Variants in NTRK2 observed in about 807,000 individuals in gnomAD.
NTRK2 encodes neurotrophic receptor tyrosine kinase 2.
In NTRK2, 13 loss-of-function variants were observed where a neutral mutation model predicts 94.5. The observed-to-expected ratio is 0.14, with a 90% confidence interval of 0.09 to 0.22. The LOEUF is 0.22. Ranked by LOEUF, NTRK2 falls within the 10% of genes least tolerant of loss-of-function variation. NTRK2 has a pLI of 1.00. For synonymous variants in NTRK2, 372 were observed against 407.4 expected (o/e 0.91, Z 1.05); for missense variants, 639 against 1,071.2 (o/e 0.60, Z 5.63).
intron 17 of NTRK2, among the ~76,000 whole-genome samples, chr9:84,966,171 G>A (rs1258238364): frequency 1.3e-5 from 2 of 152,116 alleles, no homozygotes; most frequent in African/African-American, 2.4e-5. Context: ...AAGAGAAAAC[G>A]TCTGAAATTC....
intron 12 of NTRK2, among the ~76,000 whole-genome samples, chr9:84,803,971 A>G (rs1055158086): frequency 5.3e-5 from 8 of 152,156 alleles, no homozygotes; most frequent in Non-Finnish European, 8.8e-5. Flanking sequence ...TGGGACTTGC[A>G]GCAATAGGCA....
At chr9:84,693,807 A>G (rs1163612313) in intron 2 of NTRK2, among the ~76,000 whole-genome samples, 6 of 152,196 alleles carry the variant, frequency 3.9e-5, no homozygotes, top group African/African-American at 1.2e-4. Context: ...CTAGTGCAGT[A>G]TGTTTAGTCC....
intron 14 of NTRK2, among the ~76,000 whole-genome samples, chr9:84,887,483 G>T (rs2076453273): frequency 1.3e-5 from 2 of 152,186 alleles, no homozygotes; most frequent in African/African-American, 4.8e-5. Flanking sequence ...TGCTCTCAAA[G>T]AAATTTTTAA....
At position 84,670,613 on chromosome 9, in the gene NTRK2, TG is replaced by T; in HGVS notation, c.-134del. On this transcript the variant is annotated 5_prime_UTR_variant, in exon 2 of 19. Coordinates refer to ENST00000277120, the MANE Select transcript of NTRK2 (RefSeq NM_006180.6). Reference sequence around the variant, plus strand: ...CGGACCAGCTCAGCCTCTGATAAGCTGGACTCGGCACGCCCGCAACAAGCAC... The same window carrying T: ...CGGACCAGCTCAGCCTCTGATAAGCTGACTCGGCACGCCCGCAACAAGCAC... The T allele has an allele frequency of 1.2e-6, 1 of 864,826 alleles. No homozygotes were observed. Among genetic ancestry groups the T allele is most frequent in the Non-Finnish European group, 1.9e-6 (1 of 526,618 alleles). 53.6% of individuals were successfully genotyped at this position (864,826 alleles called of 1,614,324 possible).
chr9:84,893,465 A>G (rs1468497098), intron 14 of NTRK2, among the ~76,000 whole-genome samples: 1 of 152,162 alleles, frequency 6.6e-6, no homozygotes, highest in Non-Finnish European at 1.5e-5. Flanking sequence ...ATTTTGGAGC[A>G]CTTGACCCCA....
chr9:84,940,639 G>C (rs1225566677), intron 15 of NTRK2, among the ~76,000 whole-genome samples: 1 of 151,888 alleles, frequency 6.6e-6, no homozygotes, highest in Non-Finnish European at 1.5e-5. Context: ...CCACCTCTGG[G>C]AACAGAAGCA....
Position 84,979,925 on chromosome 9 carries a change from G to T in NTRK2, c.2172+24408G>T, listed in dbSNP as rs147356548. ...AGCAATAAAGTGTTTTAAAATTAAGGTATCTACATTGTTTTTATTTAGCTA... is the reference window on the plus strand; with the variant it reads ...AGCAATAAAGTGTTTTAAAATTAAGTTATCTACATTGTTTTTATTTAGCTA... On this transcript the variant is annotated intron_variant, in intron 17 of 18. Coordinates refer to ENST00000277120, the MANE Select transcript of NTRK2 (RefSeq NM_006180.6). Among the ~76,000 whole-genome samples the T allele has an allele frequency of 3.9e-3, 587 of 152,256 alleles. 5 individuals are homozygous for T. The highest frequency in any genetic ancestry group is 0.013 in the African/African-American group (561 of 41,560).
At chr9:84,737,795 C>T (rs1298604874) in intron 9 of NTRK2, among the ~76,000 whole-genome samples, 2 of 148,578 alleles carry the variant, frequency 1.3e-5, no homozygotes, top group African/African-American at 5.3e-5. Context: ...CCCCCCCATC[C>T]GTCTCTCTCC....
intron 12 of NTRK2, chr9:84,813,353 C>G (rs200926817): frequency 1.5e-5 from 15 of 1,032,296 alleles, no homozygotes; most frequent in Middle Eastern, 4.3e-4. Context: ...TGAAATGTCC[C>G]GATTGTTAAA....
At chr9:84,977,814 T>A (rs1203366001) in intron 17 of NTRK2, among the ~76,000 whole-genome samples, 1 of 152,252 alleles carries the variant, frequency 6.6e-6, no homozygotes, top group Non-Finnish European at 1.5e-5. Flanking sequence ...TTTTTCCAAC[T>A]GCATGGGCTC....
At chr9:84,971,776 T>C (rs1219175691) in intron 17 of NTRK2, among the ~76,000 whole-genome samples, 4 of 151,876 alleles carry the variant, frequency 2.6e-5, no homozygotes, top group African/African-American at 7.3e-5. Flanking sequence ...AGTGGGGAGA[T>C]GATGGTTTGG....
At chr9:85,010,993 C>G (rs1831503928) in intron 17 of NTRK2, among the ~76,000 whole-genome samples, 1 of 152,126 alleles carries the variant, frequency 6.6e-6, no homozygotes, top group Non-Finnish European at 1.5e-5. Flanking sequence ...CCCCTGTATA[C>G]ACCTTATTAG....
At chr9:84,971,343 C>T (rs2133138008) in intron 17 of NTRK2, among the ~76,000 whole-genome samples, 1 of 152,268 alleles carries the variant, frequency 6.6e-6, no homozygotes, top group East Asian at 1.9e-4. Context: ...TCAAATAATT[C>T]CACAAACACA....
intron 12 of NTRK2, among the ~76,000 whole-genome samples, chr9:84,801,602 G>A (rs997992293): frequency 1.3e-5 from 2 of 152,190 alleles, no homozygotes; most frequent in Non-Finnish European, 2.9e-5. Context: ...GTGTTGCCGG[G>A]TGATTTTGCC....
intron 14 of NTRK2, among the ~76,000 whole-genome samples, chr9:84,888,552 G>A (rs991477420): frequency 2.2e-5 from 3 of 137,140 alleles, no homozygotes; most frequent in East Asian, 2.3e-4. Flanking sequence ...GGCAGAGGTT[G>A]CAGTGAGCCG....
intron 17 of NTRK2, among the ~76,000 whole-genome samples, chr9:84,962,410 G>A (rs906494438): frequency 6.6e-6 from 1 of 152,176 alleles, no homozygotes; most frequent in African/African-American, 2.4e-5. Context: ...ATGGAGACAC[G>A]TTATTCCAGT....
At chr9:84,788,955 G>A (rs1370238452) in intron 12 of NTRK2, among the ~76,000 whole-genome samples, 3 of 152,138 alleles carry the variant, frequency 2.0e-5, no homozygotes, top group Admixed American at 6.5e-5. Context: ...GCTCTGCTGC[G>A]TGCTCACCAG....
chr9:84,671,893 C>T lies in NTRK2; in HGVS notation c.212+933C>T, dbSNP rs191934334. Reference sequence around the variant, plus strand: ...AGTCCTTTCTCTAGCATTCCTGTGTCACCTCTACTGGACTGTTATTGTTAT... The same window carrying T: ...AGTCCTTTCTCTAGCATTCCTGTGTTACCTCTACTGGACTGTTATTGTTAT... On this transcript the variant is annotated intron_variant, in intron 2 of 18. Transcript: ENST00000277120. Among the ~76,000 whole-genome samples the T allele has an allele frequency of 2.7e-3, 406 of 152,356 alleles. 3 individuals carry two copies. The highest frequency in any genetic ancestry group is 8.8e-3 in the African/African-American group (364 of 41,584).
At chr9:84,980,570 A>G (rs1434181499) in intron 17 of NTRK2, among the ~76,000 whole-genome samples, 5 of 152,232 alleles carry the variant, frequency 3.3e-5, no homozygotes, top group African/African-American at 1.2e-4. Flanking sequence ...AAATTGTGCA[A>G]ATTCCTAAAT....
Sources: gnomAD v4.1 joint callset for allele counts (sites outside exome capture counted in the v4.1 genomes callset) on GRCh38, gnomAD v4.1.1 for gene constraint, MANE v1.5 for transcripts, NCBI Gene and HGNC (gene_info 2026-07-23, HGNC 2026-07-21) for gene names.